The following STK38L variants were observed in gnomAD, a reference collection of about 807,000 sequenced individuals.
STK38L encodes serine/threonine kinase 38 like.
A neutral mutation model predicts 59.7 loss-of-function variants in STK38L; 28 were observed. That is an observed-to-expected ratio of 0.47 (90% CI 0.35 to 0.64). The LOEUF (loss-of-function observed/expected upper bound fraction) is 0.64. Ranked by LOEUF, STK38L falls within the 30% of genes least tolerant of loss-of-function variation. The probability of loss-of-function intolerance (pLI) is 0.01; values close to 1 mark genes in which losing one functional copy is unlikely to be tolerated. For missense variants in STK38L, 314 were observed against 555.8 expected (o/e 0.56, Z 4.37); for synonymous variants, 162 against 176.8 (o/e 0.92, Z 0.66).
Position 27,293,021 on chromosome 12 carries a change from A to G in STK38L, c.-11-4689A>G, listed in dbSNP as rs1048881102. Among the ~76,000 whole-genome samples the G allele has an allele frequency of 5.9e-5, 9 of 152,114 alleles. 1 individual carries two copies. The highest frequency in any genetic ancestry group is 2.2e-4 in the African/African-American group (9 of 41,424). On this transcript the variant is annotated intron_variant, in intron 1 of 13. Coordinates refer to ENST00000389032, the MANE Select transcript of STK38L (RefSeq NM_015000.4). The stretch of plus-strand genomic sequence containing the variant: ...AGTGGCTATGCATAGGCGCCACCAT[A>G]GTGCACCACAGCCTTGAACTCCCAG...
intron 1 of STK38L, among the ~76,000 whole-genome samples, chr12:27,284,695 C>G (rs1943732804): frequency 6.6e-6 from 1 of 152,148 alleles, no homozygotes; most frequent in Non-Finnish European, 1.5e-5. Context: ...TTTCCCCTCT[C>G]CTAGATTTGT....
At chr12:27,316,599 C>T (rs1393263535) in intron 9 of STK38L, among the ~76,000 whole-genome samples, 1 of 152,190 alleles carries the variant, frequency 6.6e-6, no homozygotes, top group Non-Finnish European at 1.5e-5. Context: ...ATGACAAAAT[C>T]TGTGGTCCTA....
chr12:27,309,424 C>T (rs566508427), intron 5 of STK38L, among the ~76,000 whole-genome samples: 5 of 152,302 alleles, frequency 3.3e-5, no homozygotes, highest in African/African-American at 1.2e-4. Context: ...GGCTGGTTAG[C>T]TTAAACAACA....
intron 1 of STK38L, among the ~76,000 whole-genome samples, chr12:27,276,345 G>A (rs2136622283): frequency 6.6e-6 from 1 of 152,204 alleles, no homozygotes; most frequent in South Asian, 2.1e-4. Context: ...GGTATTTTGG[G>A]AAGTCATGAT....
chr12:27,319,292 C>A, intron 11 of STK38L, 36 bp from the exon 12 acceptor site: 6 of 1,393,596 alleles, frequency 4.3e-6, no homozygotes, highest in Non-Finnish European at 5.1e-6. Context: ...TTAGATGTAA[C>A]TTGTGTATGA....
chr12:27,319,593 T>C (rs1428552324), intron 12 of STK38L, among the ~76,000 whole-genome samples, 170 bp downstream of exon 12: 6 of 152,228 alleles, frequency 3.9e-5, no homozygotes, highest in East Asian at 1.9e-4. Flanking sequence ...TGGCTACAGC[T>C]TGATGACTCA....
In STK38L at chr12:27,271,854, C is replaced by T. The variant is rs537884351; in HGVS notation, c.-11-25856C>T. On this transcript the variant is annotated intron_variant, in intron 1 of 13. Transcript: ENST00000389032. ...AGCTGGGACTACAGGCGCACACCAC[C>T]GTGCCTGGCTAACTTTTGTATTTTT... Among the ~76,000 whole-genome samples the T allele has an allele frequency of 1.7e-4, 26 of 152,254 alleles. No homozygotes were observed. The South Asian group carries it at 3.9e-3, about 23-fold the overall frequency.
intron 1 of STK38L, among the ~76,000 whole-genome samples, chr12:27,247,814 ATTTTTT>A (rs11448972): frequency 7.9e-6 from 1 of 126,596 alleles, no homozygotes; most frequent in Admixed American, 8.0e-5. Flanking sequence ...TTGTTCTGTA[ATTTTTT>A]TTTTTTTTTT....
At chr12:27,293,040 C>G (rs1943931562) in intron 1 of STK38L, among the ~76,000 whole-genome samples, 1 of 152,202 alleles carries the variant, frequency 6.6e-6, no homozygotes, top group African/African-American at 2.4e-5. Flanking sequence ...CAGCCTTGAA[C>G]TCCCAGGCTC....
chr12:27,258,608 C>T (rs1276650516), intron 1 of STK38L, among the ~76,000 whole-genome samples: 1 of 150,892 alleles, frequency 6.6e-6, no homozygotes, highest in African/African-American at 2.5e-5. Flanking sequence ...GGATTATAGG[C>T]GTGAGCCCCC....
intron 1 of STK38L, among the ~76,000 whole-genome samples, chr12:27,250,723 G>A (rs927078985): frequency 1.3e-5 from 2 of 152,016 alleles, no homozygotes; most frequent in African/African-American, 4.8e-5. Flanking sequence ...CCTTCAGGCC[G>A]GGCGCGGTGA....
At chr12:27,313,540 C>T (rs1237356325) in intron 6 of STK38L, among the ~76,000 whole-genome samples, 1 of 151,988 alleles carries the variant, frequency 6.6e-6, no homozygotes, top group East Asian at 1.9e-4. Flanking sequence ...CACCACCATG[C>T]CCAGCTAATT....
chr12:27,278,635 T>C (rs1943587584), intron 1 of STK38L, among the ~76,000 whole-genome samples: 1 of 152,194 alleles, frequency 6.6e-6, no homozygotes, highest in Admixed American at 6.5e-5. Flanking sequence ...CCTGAAAGCC[T>C]AAGTGTCTTG....
At chr12:27,262,641 G>C (rs113130921) in intron 1 of STK38L, among the ~76,000 whole-genome samples, 5,093 of 151,160 alleles carry the variant, frequency 0.034, 109 homozygotes, top group South Asian at 0.091. Context: ...GGAGTTTAAG[G>C]CTGCAGTGAG....
chr12:27,275,400 A>G (rs533682824), intron 1 of STK38L, among the ~76,000 whole-genome samples: 2 of 148,574 alleles, frequency 1.3e-5, no homozygotes, highest in South Asian at 2.1e-4. Flanking sequence ...CTGGAGTGCA[A>G]TGGTGTGGTC....
chr12:27,254,819 T>C (rs1466207422), intron 1 of STK38L, among the ~76,000 whole-genome samples: 3 of 152,120 alleles, frequency 2.0e-5, no homozygotes, highest in Admixed American at 2.0e-4. Flanking sequence ...GGAGAAAAAG[T>C]ACATATGGTT....
chr12:27,301,425 A>AT (rs1484891489), intron 2 of STK38L, among the ~76,000 whole-genome samples: 1 of 151,922 alleles, frequency 6.6e-6, no homozygotes. Context: ...TGCTCGGCTA[A>AT]TTTTTTTTGT....
intron 1 of STK38L, among the ~76,000 whole-genome samples, chr12:27,254,540 A>G (rs1238369427): frequency 6.6e-6 from 1 of 152,184 alleles, no homozygotes; most frequent in Non-Finnish European, 1.5e-5. Context: ...TTTACTTTCT[A>G]CAGTGGTTAT....
chr12:27,251,696 G>A (rs1284255794), intron 1 of STK38L, among the ~76,000 whole-genome samples: 1 of 152,206 alleles, frequency 6.6e-6, no homozygotes, highest in East Asian at 1.9e-4. Context: ...AAGCCAATTA[G>A]GAGTGGGTAA....
Sources: allele counts gnomAD v4.1 joint callset (sites outside exome capture counted in the v4.1 genomes callset), GRCh38; gene constraint gnomAD v4.1.1; transcripts MANE v1.5; gene names NCBI Gene and HGNC (gene_info 2026-07-23, HGNC 2026-07-21).